Variants in ADAT1 observed in about 807,000 individuals in gnomAD.
ADAT1 encodes the protein tRNA-specific adenosine deaminase 1.
A neutral mutation model predicts 58.6 loss-of-function variants in ADAT1; 58 were observed. The observed-to-expected ratio is 0.99, with a 90% CI of 0.80 to 1.23. The LOEUF (loss-of-function observed/expected upper bound fraction) is 1.23. ADAT1 is among the 50% of genes most tolerant of loss of function. The probability of loss-of-function intolerance (pLI) is 0.00; values close to 1 mark genes in which losing one functional copy is unlikely to be tolerated. For synonymous variants in ADAT1, 254 were observed against 220.8 expected, an observed-to-expected ratio of 1.15 and a Z score of -1.33; for missense variants, 741 against 608.6, an observed-to-expected ratio of 1.22 and a Z score of -2.29.
chr16:75,612,661 T>G lies in ADAT1; in HGVS notation c.625A>C (p.Thr209Pro). ...LEPGTAAREV[T>P]NGAAHHQSFG... ...CTCTGATGGTGAGCTGCTCCGTTGG[T>G]GACCTCCCTGGCTGCAGTCCCAGGC... The change falls in exon 6 of 10, where the codon ACC (threonine) becomes CCC (proline). Residue 209 changes from threonine (T) to proline (P), a missense_variant. Transcript: ENST00000564657. The G allele has an allele frequency of 1.2e-6, 2 of 1,614,150 alleles. No individual in the cohort carries two copies. The highest frequency in any genetic ancestry group is 1.3e-5 in the African/African-American group (1 of 75,040).
chr16:75,611,627 C>T (rs2081537173), intron 6 of ADAT1, among the ~76,000 whole-genome samples: 1 of 152,046 alleles, frequency 6.6e-6, no homozygotes, highest in Admixed American at 6.5e-5. Context: ...AGCAATCCGC[C>T]CCCCTCGACC....
rs113842565 is a variant in ADAT1, at chr16:75,617,196, C to A, written c.370G>T (p.Val124Leu). 1 of 1,614,006 alleles carries A rather than the reference C, an allele frequency of 6.2e-7. No individual in the cohort carries two copies. The highest frequency in any genetic ancestry group is 1.3e-5 in the African/African-American group (1 of 75,064). Residue 124 changes from valine (V) to leucine (L), a missense_variant, in exon 5 of 10, where the codon GTG becomes TTG. Physicochemically the swap from Val to Leu is conservative, Grantham distance 32. Transcript: ENST00000564657. ...ATGAGGTCTCGTCTAAGTTTCCACA[C>A]TCCTTTTTGAGTTCCTGGGACAAAG... ...SIFVPGTQKG[V>L]WKLRRDLIFV... is the part of the protein sequence containing the mutation.
intron 6 of ADAT1, among the ~76,000 whole-genome samples, chr16:75,609,542 T>G (rs903716080): frequency 6.6e-6 from 1 of 152,146 alleles, no homozygotes; most frequent in Non-Finnish European, 1.5e-5. Flanking sequence ...AGGGATATAG[T>G]TCACATACCA....
chr16:75,622,031 T>C (rs185928064), intron 1 of ADAT1, among the ~76,000 whole-genome samples: 1 of 152,118 alleles, frequency 6.6e-6, no homozygotes, highest in Non-Finnish European at 1.5e-5. Context: ...GTGCCTGTAG[T>C]CCCAGCTACT....
intron 8 of ADAT1, among the ~76,000 whole-genome samples, chr16:75,604,069 C>G (rs1189222844): frequency 6.6e-6 from 1 of 152,034 alleles, no homozygotes; most frequent in Non-Finnish European, 1.5e-5. Context: ...GAAGATGAGG[C>G]CACTTTAGCA....
rs572922387 is a variant in ADAT1, at chr16:75,600,099, T to C, written c.*117A>G. On this transcript the variant is annotated 3_prime_UTR_variant, in exon 10 of 10. Transcript: ENST00000564657. ...TTCCATCTGTATTACACAACAGAGA[T>C]GCAAAGCTCAGAAAGAATGTTCCCT... is the stretch of plus-strand genomic sequence containing the variant. The C allele has an allele frequency of 3.3e-6, 5 of 1,536,386 alleles. No homozygotes were observed. The South Asian group carries it at 3.9e-5, about 12-fold the overall frequency.
chr16:75,617,395 T>TA, intron 4 of ADAT1, 123 bp from the exon 5 acceptor site: 1 of 1,065,944 alleles, frequency 9.4e-7, no homozygotes, highest in Middle Eastern at 2.2e-4. Flanking sequence ...GATGGGGAAT[T>TA]ATGAGAATGC....
chr16:75,602,544 T>G (rs1597089758), intron 9 of ADAT1, among the ~76,000 whole-genome samples: 2 of 152,192 alleles, frequency 1.3e-5, no homozygotes, highest in East Asian at 3.8e-4. Context: ...GGGGCTTTCC[T>G]TAACTTGTGG....
At chr16:75,607,112 C>G (rs917362186) in intron 8 of ADAT1, among the ~76,000 whole-genome samples, 3 of 151,726 alleles carry the variant, frequency 2.0e-5, no homozygotes, top group African/African-American at 7.3e-5. Context: ...CATCTGTAGT[C>G]CCAGCTACTT....
chr16:75,614,987 G>T (rs989157493), intron 5 of ADAT1, among the ~76,000 whole-genome samples: 7 of 152,078 alleles, frequency 4.6e-5, no homozygotes, highest in African/African-American at 9.7e-5. Flanking sequence ...CACTTTGGGA[G>T]GCCGAGGTGG....
Position 75,599,087 on chromosome 16 carries a change from T to G in ADAT1, c.*1129A>C. Reference sequence around the variant, plus strand: ...GCCTTTTGGCTTCTTTTTTTTTTTTTTTTTTTTTTTTTGAGATAGGGTCTT... The same window carrying G: ...GCCTTTTGGCTTCTTTTTTTTTTTTGTTTTTTTTTTTTGAGATAGGGTCTT... On this transcript the variant is annotated 3_prime_UTR_variant, in exon 10 of 10. Transcript: ENST00000564657. The G allele has an allele frequency of 2.0e-6, 2 of 978,860 alleles. No individual in the cohort carries two copies. Among genetic ancestry groups the G allele is most frequent in the Non-Finnish European group, 2.4e-6 (2 of 828,008 alleles). The allele number at this position is 978,860 out of a possible 1,614,324, so 60.6% of individuals were successfully genotyped here.
intron 5 of ADAT1, 71 bp from the exon 6 acceptor site, chr16:75,612,932 CT>C (rs2081593104): frequency 6.5e-7 from 1 of 1,528,048 alleles, no homozygotes; most frequent in African/African-American, 1.4e-5. Flanking sequence ...AATGGGATCT[CT>C]TGGGAATTCA....
intron 8 of ADAT1, among the ~76,000 whole-genome samples, chr16:75,605,853 C>T (rs2081353781): frequency 6.8e-6 from 1 of 146,228 alleles, no homozygotes; most frequent in Non-Finnish European, 1.5e-5. Context: ...AGGAGAACTG[C>T]TTGAACCTGG....
chr16:75,619,770 C>T (rs1256411372), intron 3 of ADAT1: 16 of 375,064 alleles, frequency 4.3e-5, no homozygotes, highest in Admixed American at 2.0e-4. Context: ...ATTAGCTGGG[C>T]GTGATGGTGG....
At chr16:75,602,353 A>G (rs534259418) in intron 9 of ADAT1, among the ~76,000 whole-genome samples, 3 of 152,336 alleles carry the variant, frequency 2.0e-5, no homozygotes, top group East Asian at 3.9e-4. Context: ...CGACCCTCCC[A>G]TATCTTACCC....
In ADAT1 at chr16:75,599,235, C is replaced by G; in HGVS notation, c.*981G>C. The G allele has an allele frequency of 1.2e-6, 1 of 827,460 alleles. No homozygotes were observed. The highest frequency in any genetic ancestry group is 1.5e-6 in the Non-Finnish European group (1 of 686,338). The allele number at this position is 827,460 out of a possible 1,614,324, so 51.3% of individuals were successfully genotyped here. A position where few individuals can be genotyped will look rare whatever the true frequency, so the allele number is the denominator to read the frequency against. On this transcript the variant is annotated 3_prime_UTR_variant, in exon 10 of 10. Coordinates refer to ENST00000564657, the MANE Select transcript of ADAT1 (RefSeq NM_001324445.2). ...TAGCTAGGATTACAGGTGTGCGCCA[C>G]CATGCCCGGCTAGTTTTTGCATTTT...
At chr16:75,615,361 A>C (rs987999428) in intron 5 of ADAT1, among the ~76,000 whole-genome samples, 7 of 151,162 alleles carry the variant, frequency 4.6e-5, no homozygotes, top group Non-Finnish European at 1.0e-4. Context: ...GAGTTTGATA[A>C]GGGCATAATC....
intron 1 of ADAT1, 27 bp from the exon 2 acceptor site, chr16:75,620,847 A>T (rs775074521): frequency 6.3e-7 from 1 of 1,581,210 alleles, no homozygotes; most frequent in East Asian, 2.3e-5. Context: ...AACCATCAGA[A>T]GTACGGAAAG....
At chr16:75,613,458 C>T (rs969849769) in intron 5 of ADAT1, among the ~76,000 whole-genome samples, 4 of 152,056 alleles carry the variant, frequency 2.6e-5, no homozygotes, top group African/African-American at 9.7e-5. Flanking sequence ...CACATCACCA[C>T]GACTGGCTAA....
Sources: gnomAD v4.1 joint callset for allele counts (sites outside exome capture counted in the v4.1 genomes callset) on GRCh38, gnomAD v4.1.1 for gene constraint, MANE v1.5 for transcripts, NCBI Gene and HGNC (gene_info 2026-07-23, HGNC 2026-07-21) for gene names.